RSRC2: variants seen among roughly 807,000 people sequenced by gnomAD.
The protein encoded by RSRC2 is arginine/serine-rich coiled-coil protein 2.
Under a neutral mutation model 61.3 loss-of-function variants are expected in RSRC2, and 5 were observed. The observed-to-expected ratio is 0.08, with a 90% CI of 0.04 to 0.17. The LOEUF (loss-of-function observed/expected upper bound fraction) is 0.17. Ranked by LOEUF, RSRC2 falls within the 10% of genes least tolerant of loss-of-function variation. The probability of loss-of-function intolerance (pLI) is 1.00; values close to 1 mark genes in which losing one functional copy is unlikely to be tolerated. For missense variants in RSRC2, 381 were observed against 518.8 expected, an observed-to-expected ratio of 0.73 and a Z score of 2.58; for synonymous variants, 202 against 166.5, an observed-to-expected ratio of 1.21 and a Z score of -1.64.
At chr12:122,509,264 T>G (rs922121644) in intron 7 of RSRC2, among the ~76,000 whole-genome samples, 1 of 151,688 alleles carries the variant, frequency 6.6e-6, no homozygotes, top group Non-Finnish European at 1.5e-5. Context: ...CTGGCCAACA[T>G]AGTGAAACCC....
intron 1 of RSRC2, chr12:122,522,954 T>C (rs1369274144): frequency 1.3e-5 from 2 of 152,176 alleles, no homozygotes; most frequent in Non-Finnish European, 2.9e-5. Context: ...TTATAAGTAA[T>C]TATTACAATA....
At chr12:122,515,279 TTGTTAA>T (rs1226645554) in intron 5 of RSRC2, 52 bp from the exon 6 acceptor site, 67 of 1,565,050 alleles carry the variant, frequency 4.3e-5, no homozygotes, top group Non-Finnish European at 5.8e-5. Flanking sequence ...CATAACTATT[TTGTTAA>T]TAAGAAATCA....
rs1304646679 is a variant in RSRC2 at position 122,510,485 on chromosome 12, C to T, written c.805+624G>A. Among the ~76,000 whole-genome samples the T allele has an allele frequency of 3.9e-5, 6 of 152,214 alleles. No individual in the cohort carries two copies. The East Asian group carries it at 9.7e-4, about 25-fold the overall frequency. On this transcript the variant is annotated intron_variant, in intron 7 of 9. Transcript: ENST00000331738. ...CAGAGGTTGCAGTAAGCTGAGATCA[C>T]GCCACTGCACTCCAGCCTGGGCGAT...
At chr12:122,521,487 A>C (rs2137540986) in intron 2 of RSRC2, 59 bp from the exon 3 acceptor site, 1 of 1,456,778 alleles carries the variant, frequency 6.9e-7, no homozygotes, top group East Asian at 2.3e-5. Flanking sequence ...ATTTCATCTT[A>C]AAAAACTCTT....
chr12:122,506,749 A>C, intron 9 of RSRC2, 85 bp downstream of exon 9: 1 of 814,462 alleles, frequency 1.2e-6, no homozygotes, highest in Non-Finnish European at 2.1e-6. Context: ...ACCTGAGTAA[A>C]GACCAGAACT....
Position 122,517,387 on chromosome 12 carries a change from T to G in RSRC2, c.442A>C (p.Arg148=). 1 of 1,614,152 alleles carries G rather than the reference T, an allele frequency of 6.2e-7. No individual in the cohort carries two copies. The highest frequency in any genetic ancestry group is 8.5e-7 in the Non-Finnish European group (1 of 1,180,022). Reference sequence around the variant, plus strand: ...CTCGATTTCTTCCGCTCCCTACTCCTGGATCGAGACTTCTTCCGCTCCCTG... The same window carrying G: ...CTCGATTTCTTCCGCTCCCTACTCCGGGATCGAGACTTCTTCCGCTCCCTG... ...RSRERKKSRS[R]SRERKKSRSR... Residue 148 remains arginine (R), a synonymous_variant, in exon 5 of 10, where the codon AGG becomes CGG. Transcript: ENST00000331738.
At chr12:122,526,028 T>C (rs1960287462) in intron 1 of RSRC2, 1 of 13,804 alleles carries the variant, frequency 7.2e-5, no homozygotes, top group Non-Finnish European at 1.2e-4. Context: ...TTCACCGTTT[T>C]AGCCGGGATG....
intron 6 of RSRC2, 36 bp from the exon 7 acceptor site, chr12:122,511,224 AAT>A: frequency 6.8e-7 from 1 of 1,463,710 alleles, no homozygotes; most frequent in East Asian, 2.3e-5. Context: ...AAAATAACAC[AAT>A]ATAAAACCAT....
intron 3 of RSRC2, chr12:122,520,144 T>C (rs915038496): frequency 5.2e-5 from 11 of 212,240 alleles, no homozygotes; most frequent in African/African-American, 2.1e-4. Context: ...CACTCACGAT[T>C]AATGTTTCTT....
In RSRC2 at chr12:122,515,202, G is replaced by A. The variant is rs746572039; in HGVS notation, c.628C>T (p.Pro210Ser). 12 of 1,613,810 alleles carry A rather than the reference G, an allele frequency of 7.4e-6. No individual in the cohort carries two copies. Among genetic ancestry groups the A allele is most frequent in the East Asian group, 6.7e-5 (3 of 44,854 alleles). ...CTTAAACTTCTGCTAAATCTTCTCG[G>A]CTTTTCAATTCTCTTCTTTCTATCT... is the stretch of plus-strand genomic sequence containing the variant. The part of the protein sequence containing the change: ...SRDRKKRIEK[P>S]RRFSRSLSRT... Residue 210 changes from proline (P) to serine (S), a missense_variant, in exon 6 of 10, where the codon CCG becomes TCG. Pro to Ser is a moderately conservative substitution (Grantham distance 74). This residue lies in a region of RSRC2 where 266 missense variants were observed against 270.5 expected (regional missense o/e 0.98). Transcript: ENST00000331738.
At chr12:122,507,436 TTTC>T (rs1389097469) in intron 8 of RSRC2, among the ~76,000 whole-genome samples, 1 of 152,150 alleles carries the variant, frequency 6.6e-6, no homozygotes. Context: ...CATAGACCTT[TTTC>T]AACATGCAAT....
rs773607957 is a variant in RSRC2, at chr12:122,505,463, G to A, written c.*64C>T. On this transcript the variant is annotated 3_prime_UTR_variant, in exon 10 of 10. Coordinates refer to ENST00000331738, the MANE Select transcript of RSRC2 (RefSeq NM_023012.6). ...CAAGCTAGAGTGCTAGCTGTTTGGT[G>A]AACAAGGACGTGACATCAGAACAAG... 2.7e-6 allele frequency: 4 copies of A among 1,480,494 alleles called. No individual in the cohort carries two copies. Among genetic ancestry groups the A allele is most frequent in the Non-Finnish European group, 3.7e-6 (4 of 1,077,854 alleles). The allele number at this position is 1,480,494 out of a possible 1,614,324, so 91.7% of individuals were successfully genotyped here.
intron 1 of RSRC2, 123 bp downstream of exon 1, chr12:122,526,725 A>G: frequency 1.7e-6 from 2 of 1,143,426 alleles, no homozygotes; most frequent in Non-Finnish European, 2.6e-6. Flanking sequence ...CGGGCGCAGA[A>G]GAAGGCCGCG....
chr12:122,509,026 T>A (rs1958305261), intron 7 of RSRC2, among the ~76,000 whole-genome samples: 1 of 152,110 alleles, frequency 6.6e-6, no homozygotes, highest in Non-Finnish European at 1.5e-5. Flanking sequence ...AAAGTATGAT[T>A]TCAGTGGAGA....
chr12:122,525,071 C>G (rs1959876590), intron 1 of RSRC2, among the ~76,000 whole-genome samples: 1 of 152,080 alleles, frequency 6.6e-6, no homozygotes, highest in African/African-American at 2.4e-5. Flanking sequence ...TTTAAATTCA[C>G]TTTTTAAAAT....
In RSRC2 at chr12:122,517,303, T is replaced by A; in HGVS notation, c.526A>T (p.Ile176Phe). 3.1e-6 allele frequency: 5 copies of A among 1,614,126 alleles called. No homozygotes were observed. The highest frequency in any genetic ancestry group is 4.2e-6 in the Non-Finnish European group (5 of 1,180,000). Reference sequence around the variant, plus strand: ...GATCTTGAGCGGGAACGAGACCTGATCCGCCGTTTTCTTTCCCTGCTTCTG... The same window carrying A: ...GATCTTGAGCGGGAACGAGACCTGAACCGCCGTTTTCTTTCCCTGCTTCTG... ...RSRSRERKRR[I>F]RSRSRSRSRH... Residue 176 changes from isoleucine (I) to phenylalanine (F), a missense_variant, in exon 5 of 10, where the codon ATC (isoleucine) becomes TTC (phenylalanine). Physicochemically the swap from Ile to Phe is conservative, Grantham distance 21 (BLOSUM62 0). Around this residue, in one of 4 missense-constraint regions of RSRC2, gnomAD observed 266 missense variants for 270.5 expected, o/e 0.98. Coordinates refer to ENST00000331738, the MANE Select transcript of RSRC2 (RefSeq NM_023012.6).
chr12:122,513,585 T>A (rs1417738952), intron 6 of RSRC2, among the ~76,000 whole-genome samples: 1 of 152,164 alleles, frequency 6.6e-6, no homozygotes, highest in Non-Finnish European at 1.5e-5. Context: ...TTAAAAAATA[T>A]TTGTCAGAGT....
At chr12:122,509,037 T>C (rs987942910) in intron 7 of RSRC2, among the ~76,000 whole-genome samples, 2 of 152,134 alleles carry the variant, frequency 1.3e-5, no homozygotes, top group Admixed American at 6.5e-5. Context: ...TCAGTGGAGA[T>C]GAACTATAGT....
At chr12:122,510,028 G>A (rs566951342) in intron 7 of RSRC2, among the ~76,000 whole-genome samples, 82 of 152,178 alleles carry the variant, frequency 5.4e-4, no homozygotes, top group African/African-American at 1.9e-3. Context: ...TGCCATGTTG[G>A]CCAGGCTGGT....
Sources: gnomAD v4.1 joint callset for allele counts (sites outside exome capture counted in the v4.1 genomes callset) on GRCh38, gnomAD v4.1.1 for gene constraint, gnomAD v4.1.1 regional missense constraint, MANE v1.5 for transcripts, NCBI Gene and HGNC (gene_info 2026-07-23, HGNC 2026-07-21) for gene names.